Variants in ZDHHC14 observed in about 807,000 individuals in gnomAD.
ZDHHC14 encodes the protein zDHHC palmitoyltransferase 14.
A neutral mutation model predicts 47.7 loss-of-function variants in ZDHHC14; 16 were observed. The ratio of observed to expected loss-of-function variants is 0.34; its 90% confidence interval spans 0.23 to 0.51. The LOEUF (loss-of-function observed/expected upper bound fraction) is 0.51, where lower values mean the gene tolerates loss of function less well. Among genes scored for constraint, ZDHHC14 ranks in the 20% least tolerant of loss-of-function variants. The probability of loss-of-function intolerance (pLI) is 0.97; values close to 1 mark genes in which losing one functional copy is unlikely to be tolerated. For missense variants in ZDHHC14, 515 were observed against 662.5 expected, an observed-to-expected ratio of 0.78 and a Z score of 2.44; for synonymous variants, 293 against 278.9, an observed-to-expected ratio of 1.05 and a Z score of -0.50.
At chr6:157,636,199 AAC>A (rs200065831) in intron 5 of ZDHHC14, among the ~76,000 whole-genome samples, 10 of 150,798 alleles carry the variant, frequency 6.6e-5, no homozygotes, top group African/African-American at 1.5e-4. Flanking sequence ...GATGGATTTA[AAC>A]ACACACACAC....
rs1783979902 is a variant in ZDHHC14 at position 157,593,069 on chromosome 6, A to C, written c.488A>C (p.Lys163Thr). The C allele has an allele frequency of 3.7e-6, 6 of 1,614,144 alleles. No individual in the cohort carries two copies. Among genetic ancestry groups the C allele is most frequent in the Non-Finnish European group, 3.4e-6 (4 of 1,180,002 alleles). Residue 163 changes from lysine (K) to threonine (T), a missense_variant, in exon 3 of 9, where the codon AAA (lysine) becomes ACA (threonine). By Grantham distance (78) the Lys-to-Thr change is moderately conservative. Around this residue, in one of 4 missense-constraint regions of ZDHHC14, gnomAD observed 229 missense variants for 351.5 expected, o/e 0.65. Transcript: ENST00000359775. ...GTCATCATCAATGGCCAGACCGTGA[A>C]ACTTAAATACTGTTTCACCTGCAAG... ...KEVIINGQTV[K>T]LKYCFTCKIF...
At chr6:157,668,109 C>T (rs1258395140) in intron 8 of ZDHHC14, among the ~76,000 whole-genome samples, 3 of 152,322 alleles carry the variant, frequency 2.0e-5, no homozygotes, top group Admixed American at 6.5e-5. Flanking sequence ...GTGAACTACA[C>T]GCAGGACTTA....
intron 3 of ZDHHC14, among the ~76,000 whole-genome samples, chr6:157,598,142 T>G (rs755481238): frequency 2.0e-5 from 3 of 152,196 alleles, no homozygotes; most frequent in Non-Finnish European, 2.9e-5. Context: ...CACTCTGCTG[T>G]GCGCTGCCCT....
chr6:157,666,289 A>G (rs1778552515), intron 8 of ZDHHC14, among the ~76,000 whole-genome samples: 2 of 152,246 alleles, frequency 1.3e-5, no homozygotes, highest in Admixed American at 1.3e-4. Context: ...TACTGTATTT[A>G]CTTAACCTAA....
chr6:157,463,545 G>T lies in ZDHHC14; in HGVS notation c.246-79040G>T, dbSNP rs971858323. On this transcript the variant is annotated intron_variant, in intron 1 of 8. Coordinates refer to ENST00000359775, the MANE Select transcript of ZDHHC14 (RefSeq NM_024630.3). The surrounding 1 kb of genome is among the most constrained non-coding windows in gnomAD (Gnocchi z 4.4). ...TTGACAGTGACTGAGCCTACAGGAA[G>T]AATCATCAGAAAGGAATGTAAGACA... Among the ~76,000 whole-genome samples the T allele has an allele frequency of 6.5e-4, 99 of 152,246 alleles. No individual in the cohort carries two copies. The highest frequency in any genetic ancestry group is 2.4e-3 in the African/African-American group (99 of 41,530).
chr6:157,381,594 C>G lies in ZDHHC14; in HGVS notation c.-428C>G. On this transcript the variant is annotated 5_prime_UTR_variant, in exon 1 of 9. Coordinates refer to ENST00000359775, the MANE Select transcript of ZDHHC14 (RefSeq NM_024630.3). ...AGGAAGCCGGCGCCGGGGCCGCCGCCTCGTGTCCCCTCGGGGCGCAGTGCT... is the reference window on the plus strand; with the variant it reads ...AGGAAGCCGGCGCCGGGGCCGCCGCGTCGTGTCCCCTCGGGGCGCAGTGCT... 1 of 389,640 alleles carries G rather than the reference C, an allele frequency of 2.6e-6. No homozygotes were observed. The allele number at this position is 389,640 out of a possible 1,614,324, so 24.1% of individuals were successfully genotyped here. A position where few individuals can be genotyped will look rare whatever the true frequency, so the allele number is the denominator to read the frequency against.
At chr6:157,652,301 AG>A (rs1027774555) in intron 7 of ZDHHC14, among the ~76,000 whole-genome samples, 1 of 152,176 alleles carries the variant, frequency 6.6e-6, no homozygotes, top group Non-Finnish European at 1.5e-5. Context: ...GACACGTAGG[AG>A]GCCCTGCTTT....
intron 5 of ZDHHC14, among the ~76,000 whole-genome samples, chr6:157,633,413 TGAG>T (rs35699897): frequency 0.18 from 27,203 of 152,030 alleles, 2,691 homozygotes; most frequent in East Asian, 0.3. Context: ...TTTGGATTAA[TGAG>T]GAGGATTCCC....
intron 1 of ZDHHC14, among the ~76,000 whole-genome samples, chr6:157,479,096 G>A (rs1464018748): frequency 6.6e-6 from 1 of 152,216 alleles, no homozygotes; most frequent in East Asian, 1.9e-4. Flanking sequence ...GCATGGCATT[G>A]TGATTAGGAG....
intron 1 of ZDHHC14, among the ~76,000 whole-genome samples, chr6:157,539,709 T>C (rs1023484322): frequency 1.3e-5 from 2 of 152,188 alleles, no homozygotes; most frequent in African/African-American, 2.4e-5. Context: ...AACAGAACTC[T>C]TCCTGTAGGC....
At chr6:157,577,830 C>T (rs1021286463) in intron 2 of ZDHHC14, among the ~76,000 whole-genome samples, 2 of 152,320 alleles carry the variant, frequency 1.3e-5, no homozygotes, top group East Asian at 3.9e-4. Flanking sequence ...GGATTACAGG[C>T]GTGAGCCACA....
In ZDHHC14 at chr6:157,502,356, G is replaced by A. The variant is rs1177995001; in HGVS notation, c.246-40229G>A. ...GTCCCCATACATGTTGAGAGAGAGT[G>A]GATGACAGAGCAGTCAGGCAGTAGC... On this transcript the variant is annotated intron_variant, in intron 1 of 8. Coordinates refer to ENST00000359775, the MANE Select transcript of ZDHHC14 (RefSeq NM_024630.3). The surrounding 1 kb of genome is among the most constrained non-coding windows in gnomAD (Gnocchi z 4.0). Among the ~76,000 whole-genome samples the A allele has an allele frequency of 1.3e-5, 2 of 152,220 alleles. No individual in the cohort carries two copies. Among genetic ancestry groups the A allele is most frequent in the African/African-American group, 4.8e-5 (2 of 41,454 alleles).
chr6:157,383,116 C>T (rs1284333771), intron 1 of ZDHHC14, among the ~76,000 whole-genome samples: 4 of 152,218 alleles, frequency 2.6e-5, no homozygotes, highest in African/African-American at 9.6e-5. Context: ...CAACTGTCCT[C>T]CTGCCAACTA....
intron 1 of ZDHHC14, among the ~76,000 whole-genome samples, chr6:157,509,981 A>C (rs1562453903): frequency 6.6e-6 from 1 of 152,216 alleles, no homozygotes; most frequent in Non-Finnish European, 1.5e-5. Flanking sequence ...GCGGTGGCTC[A>C]CGCCTGTAAT....
chr6:157,532,628 CAGA>C (rs1258358819), intron 1 of ZDHHC14, among the ~76,000 whole-genome samples: 2 of 152,210 alleles, frequency 1.3e-5, no homozygotes, highest in African/African-American at 4.8e-5. Flanking sequence ...GCAAGGATGA[CAGA>C]AGAACTTTCT....
chr6:157,386,595 G>T (rs1259115912), intron 1 of ZDHHC14, among the ~76,000 whole-genome samples: 3 of 152,124 alleles, frequency 2.0e-5, no homozygotes, highest in Non-Finnish European at 4.4e-5. Context: ...CTCAAGCAAG[G>T]AGGGACTGCT....
intron 8 of ZDHHC14, 100 bp from the exon 9 acceptor site, chr6:157,672,624 A>AGGCCCCC: frequency 3.7e-6 from 1 of 273,144 alleles, no homozygotes; most frequent in Non-Finnish European, 7.2e-6. Flanking sequence ...CTCTTCTCGC[A>AGGCCCCC]CCCCACCCTC....
intron 1 of ZDHHC14, among the ~76,000 whole-genome samples, chr6:157,493,552 A>C (rs1478547924): frequency 3.9e-5 from 6 of 152,202 alleles, no homozygotes; most frequent in Non-Finnish European, 7.4e-5. Flanking sequence ...ACAATAGGGG[A>C]GCCCTCCCAA....
intron 8 of ZDHHC14, among the ~76,000 whole-genome samples, chr6:157,659,030 C>G (rs900864265): frequency 6.6e-6 from 1 of 152,106 alleles, no homozygotes; most frequent in South Asian, 2.1e-4. Context: ...TTGGGTCAGT[C>G]TCAGTGGTAT....
Sources: gnomAD v4.1 joint callset for allele counts (sites outside exome capture counted in the v4.1 genomes callset) on GRCh38, gnomAD v4.1.1 for gene constraint, gnomAD v4.1.1 regional missense constraint, Gnocchi (gnomAD v3.1) non-coding constraint, MANE v1.5 for transcripts, NCBI Gene and HGNC (gene_info 2026-07-23, HGNC 2026-07-21) for gene names.